RSPH10B: variants seen among roughly 807,000 people sequenced by gnomAD.
RSPH10B encodes the protein radial spoke head 10 homolog B (Chlamydomonas).
A neutral mutation model predicts 52.5 loss-of-function variants in RSPH10B; 7 were observed. The ratio of observed to expected loss-of-function variants is 0.13; its 90% CI spans 0.08 to 0.25. The LOEUF (loss-of-function observed/expected upper bound fraction) is 0.25, where lower values mean the gene tolerates loss of function less well. Ranked by LOEUF, RSPH10B falls within the 10% of genes least tolerant of loss-of-function variation. RSPH10B has a pLI of 1.00. For synonymous variants in RSPH10B, 28 were observed against 193.2 expected, an observed-to-expected ratio of 0.14 and a Z score of 7.09; for missense variants, 89 against 542.5, an observed-to-expected ratio of 0.16 and a Z score of 8.30.
chr7:5,954,220 C>G (rs902713287), intron 7 of RSPH10B, among the ~76,000 whole-genome samples: 1 of 97,222 alleles, frequency 1.0e-5, no homozygotes, highest in African/African-American at 3.9e-5. Context: ...CTCACTGCAA[C>G]CTCCGCCTCC....
chr7:5,931,515 C>A (rs1294569960), intron 17 of RSPH10B, among the ~76,000 whole-genome samples: 2 of 151,298 alleles, frequency 1.3e-5, no homozygotes, highest in Non-Finnish European at 3.0e-5. Flanking sequence ...CACTTGGGCC[C>A]GGGAGTTCAA....
rs1194220334 is a variant in RSPH10B, at chr7:5,929,230, A to C, written c.2234-836T>G. ...GATCTTGCTCTGTCATCCAGGCTGG[A>C]GTGCAGTGGTACCATCATGGCTCAC... On this transcript the variant is annotated intron_variant, in intron 17 of 18. Coordinates refer to ENST00000337579, the Ensembl canonical transcript of RSPH10B. Among the ~76,000 whole-genome samples the C allele has an allele frequency of 3.5e-5, 5 of 144,504 alleles. 1 individual carries two copies. Among genetic ancestry groups the C allele is most frequent in the African/African-American group, 1.3e-4 (5 of 37,696 alleles). 94.8% of individuals were successfully genotyped at this position (144,504 alleles called of 152,430 possible).
rs1210713837 is a variant in RSPH10B, at chr7:5,938,383, C to T, written c.1866+339G>A. On this transcript the variant is annotated intron_variant, in intron 14 of 18. Transcript: ENST00000337579. Reference sequence around the variant, plus strand: ...GAGATCAAGACCATCCTGGCTAACACGGTGAAACTCCGTCTCTACTAAAAA... The same window carrying T: ...GAGATCAAGACCATCCTGGCTAACATGGTGAAACTCCGTCTCTACTAAAAA... Among the ~76,000 whole-genome samples, 12 of 122,054 alleles carry T rather than the reference C, an allele frequency of 9.8e-5. 2 individuals are homozygous for T. Among genetic ancestry groups the T allele is most frequent in the South Asian group, 7.1e-4 (3 of 4,212 alleles). The allele number at this position is 122,054 out of a possible 152,430, so 80.1% of individuals were successfully genotyped here.
chr7:5,931,857 T>C (rs1300929052), intron 17 of RSPH10B, among the ~76,000 whole-genome samples: 1 of 150,808 alleles, frequency 6.6e-6, no homozygotes, highest in Non-Finnish European at 1.5e-5. Context: ...GGTGCAGTGA[T>C]GGGTGCCTGT....
At chr7:5,927,060 G>GTATATATA (rs1554284531) in intron 18 of RSPH10B, among the ~76,000 whole-genome samples, 4 of 72,686 alleles carry the variant, frequency 5.5e-5, no homozygotes, top group African/African-American at 2.4e-4. Context: ...ATGTGTGTGT[G>GTATATATA]TGTGTGTATA....
intron 13 of RSPH10B, among the ~76,000 whole-genome samples, chr7:5,942,791 G>A (rs1452244952): frequency 6.6e-6 from 1 of 150,640 alleles, no homozygotes; most frequent in Non-Finnish European, 1.5e-5. Context: ...GAACCCAGGA[G>A]GTGGAGGTTG....
At chr7:5,929,045 A>G (rs1338468411) in intron 17 of RSPH10B, among the ~76,000 whole-genome samples, 2 of 139,610 alleles carry the variant, frequency 1.4e-5, no homozygotes, top group African/African-American at 2.7e-5. Context: ...CAAGCTCTCT[A>G]TGGCCCAGGC....
At chr7:5,932,150 T>C (rs1249487729) in intron 17 of RSPH10B, among the ~76,000 whole-genome samples, 1 of 125,158 alleles carries the variant, frequency 8.0e-6, no homozygotes, top group African/African-American at 3.1e-5. Context: ...AGGCATGAGG[T>C]TGGAAGTTCA....
At chr7:5,928,351 G>A (rs148133363) in exon 18 of RSPH10B, 43 of 1,613,260 alleles carry the variant, frequency 2.7e-5, no homozygotes, top group Non-Finnish European at 3.6e-5. Context: ...TGACCCACGT[G>A]TTGAACTCTT....
intron 18 of RSPH10B, among the ~76,000 whole-genome samples, chr7:5,927,050 ATG>A (rs755187713): frequency 1.1e-3 from 62 of 56,098 alleles, no homozygotes; most frequent in Middle Eastern, 9.1e-3. Flanking sequence ...TGTGTGTATT[ATG>A]TGTGTGTGTG....
At chr7:5,958,077 AT>A (rs1334338303) in intron 5 of RSPH10B, 50 bp from the exon 8 acceptor site, 1 of 604,632 alleles carries the variant, frequency 1.7e-6, no homozygotes, top group East Asian at 6.6e-5. Context: ...CCTACACAAC[AT>A]TTACCTTTAA....
intron 7 of RSPH10B, among the ~76,000 whole-genome samples, chr7:5,955,052 C>T (rs1342010187): frequency 1.1e-3 from 146 of 128,224 alleles, no homozygotes; most frequent in Non-Finnish European, 1.6e-3. Context: ...GTAATCCCAG[C>T]TACTCTAGTG....
rs1562578940 is a variant in RSPH10B, at chr7:5,960,082, A to ACAC, written c.573+608_573+609insGTG. Among the ~76,000 whole-genome samples, 2 of 34,818 alleles carry ACAC rather than the reference A, an allele frequency of 5.7e-5. 1 individual carries two copies. The highest frequency in any genetic ancestry group is 4.0e-4 in the African/African-American group (2 of 4,944). 22.8% of individuals were successfully genotyped at this position (34,818 alleles called of 152,430 possible). On this transcript the variant is annotated intron_variant, in intron 4 of 18. Coordinates refer to ENST00000337579, the Ensembl canonical transcript of RSPH10B. ...ACACACACACACACACACACACAACAACAACAACAACACAACTCAATAAAT... is the reference window on the plus strand; with the variant it reads ...ACACACACACACACACACACACAACACACACAACAACAACACAACTCAATAAAT...
intron 15 of RSPH10B, among the ~76,000 whole-genome samples, 160 bp downstream of exon 17, chr7:5,937,598 G>A (rs1779989776): frequency 2.3e-5 from 3 of 129,338 alleles, no homozygotes; most frequent in African/African-American, 8.1e-5. Context: ...AATAGAGACA[G>A]GGTTTCACCA....
chr7:5,941,422 T>C, intron 13 of RSPH10B, among the ~76,000 whole-genome samples: 1 of 143,898 alleles, frequency 6.9e-6, no homozygotes, highest in Non-Finnish European at 1.6e-5. Flanking sequence ...TGTTTAATCA[T>C]TTGTATTCCC....
chr7:5,960,044 AAC>A lies in RSPH10B; in HGVS notation c.573+645_573+646del, dbSNP rs748706641. Among the ~76,000 whole-genome samples, 151 of 28,500 alleles carry A rather than the reference AAC, an allele frequency of 5.3e-3. 36 individuals carry two copies. Among genetic ancestry groups the A allele is most frequent in the South Asian group, 0.017 (13 of 744 alleles). 18.7% of individuals were successfully genotyped at this position (28,500 alleles called of 152,430 possible). On this transcript the variant is annotated intron_variant, in intron 4 of 18. Coordinates refer to ENST00000337579, the Ensembl canonical transcript of RSPH10B. ...ATATGTCTCAAGCAATCTGCTGTAAAACACACACACACACACACACACACACA... is the reference window on the plus strand; with the variant it reads ...ATATGTCTCAAGCAATCTGCTGTAAAACACACACACACACACACACACACA...
chr7:5,933,594 A>G (rs1488600003), intron 16 of RSPH10B, among the ~76,000 whole-genome samples: 3 of 135,148 alleles, frequency 2.2e-5, no homozygotes, highest in Admixed American at 1.5e-4. Flanking sequence ...CCCCATCTCT[A>G]CTAACAACAC....
chr7:5,964,241 A>G (rs1462807132), intron 3 of RSPH10B, among the ~76,000 whole-genome samples: 1 of 150,508 alleles, frequency 6.6e-6, no homozygotes, highest in Non-Finnish European at 1.5e-5. Context: ...TCTCAAAGAA[A>G]AAAGTAGGAC....
At chr7:5,927,045 GTATTA>G (rs1382283652) in intron 18 of RSPH10B, among the ~76,000 whole-genome samples, 3,732 of 121,738 alleles carry the variant, frequency 0.031, 2 homozygotes, top group Non-Finnish European at 0.042. Flanking sequence ...GTGTGTGTGT[GTATTA>G]TGTGTGTGTG....
Sources: gnomAD v4.1 joint callset for allele counts (sites outside exome capture counted in the v4.1 genomes callset) on GRCh38, gnomAD v4.1.1 for gene constraint, MANE v1.5 for transcripts, NCBI Gene and HGNC (gene_info 2026-07-23, HGNC 2026-07-21) for gene names.